Variants in ANAPC4 observed in about 807,000 individuals in gnomAD.
ANAPC4 encodes the protein anaphase promoting complex subunit 4.
ANAPC4 carries 63 observed loss-of-function variants against 119.8 expected under a neutral mutation model. The ratio of observed to expected loss-of-function variants is 0.53; its 90% CI spans 0.43 to 0.65. ANAPC4 has a LOEUF of 0.65. ANAPC4 is among the 30% of genes least tolerant of loss of function. The pLI, the probability that ANAPC4 is intolerant of heterozygous loss-of-function variation, is 0.00. For synonymous variants in ANAPC4, 283 were observed against 318.6 expected, an observed-to-expected ratio of 0.89 and a Z score of 1.19; for missense variants, 716 against 945.1, an observed-to-expected ratio of 0.76 and a Z score of 3.18.
intron 16 of ANAPC4, 144 bp downstream of exon 16, chr4:25,397,043 C>T (rs547003441): frequency 2.6e-6 from 2 of 774,228 alleles, no homozygotes; most frequent in South Asian, 4.3e-5. Flanking sequence ...TTCCGAAAAG[C>T]CAGCAGCACA....
chr4:25,380,018 G>A (rs1721622954), intron 2 of ANAPC4, among the ~76,000 whole-genome samples: 4 of 152,150 alleles, frequency 2.6e-5, no homozygotes, highest in Admixed American at 2.6e-4. Flanking sequence ...GGTGCCACGT[G>A]GACTAATTCC....
chr4:25,406,916 T>A (rs1723282206), intron 19 of ANAPC4, 31 bp downstream of exon 19: 5 of 1,475,418 alleles, frequency 3.4e-6, no homozygotes, highest in African/African-American at 2.8e-5. Context: ...TAATGCAGTT[T>A]AAAAAAAAAT....
At chr4:25,393,670 A>G (rs1273737318) in intron 10 of ANAPC4, 135 bp from the exon 11 acceptor site, 3 of 533,056 alleles carry the variant, frequency 5.6e-6, no homozygotes, top group African/African-American at 2.0e-5. Context: ...TCGATAAATA[A>G]ATAATAAAAA....
chr4:25,381,034 A>C (rs895116297), intron 3 of ANAPC4, among the ~76,000 whole-genome samples: 2 of 152,110 alleles, frequency 1.3e-5, no homozygotes, highest in Non-Finnish European at 2.9e-5. Flanking sequence ...CTCCTTTTCC[A>C]TGTAATGTTT....
intron 2 of ANAPC4, among the ~76,000 whole-genome samples, chr4:25,379,770 A>G (rs866423649): frequency 3.3e-5 from 5 of 152,158 alleles, no homozygotes; most frequent in Non-Finnish European, 7.3e-5. Flanking sequence ...AGGCAGGGTC[A>G]TGGTGGCTTA....
At chr4:25,398,877 AG>A (rs1722797864) in intron 16 of ANAPC4, among the ~76,000 whole-genome samples, 1 of 151,824 alleles carries the variant, frequency 6.6e-6, no homozygotes, top group Non-Finnish European at 1.5e-5. Context: ...TACTTGAAAG[AG>A]TAGAATTGAT....
intron 21 of ANAPC4, among the ~76,000 whole-genome samples, chr4:25,411,370 T>G (rs1207167746): frequency 6.6e-6 from 1 of 151,792 alleles, no homozygotes; most frequent in African/African-American, 2.4e-5. Context: ...GCCCCACATC[T>G]TACGTGTTTG....
At chr4:25,385,470 T>G (rs986648659) in intron 4 of ANAPC4, among the ~76,000 whole-genome samples, 55 of 152,318 alleles carry the variant, frequency 3.6e-4, no homozygotes, top group African/African-American at 1.3e-3. Context: ...TTCATAGAAT[T>G]GAAGAGAGTT....
chr4:25,403,569 C>T (rs1577391473), intron 17 of ANAPC4, among the ~76,000 whole-genome samples: 1 of 152,112 alleles, frequency 6.6e-6, no homozygotes, highest in African/African-American at 2.4e-5. Context: ...AGTCTCTGTC[C>T]TTGGGTAGCT....
In ANAPC4 at chr4:25,394,349, C is replaced by G; in HGVS notation, c.916C>G (p.His306Asp). 1 of 1,580,784 alleles carries G rather than the reference C, an allele frequency of 6.3e-7. No homozygotes were observed. The highest frequency in any genetic ancestry group is 8.5e-7 in the Non-Finnish European group (1 of 1,171,864). The change falls in exon 12 of 29, where the codon CAC becomes GAC. Residue 306 changes from histidine (H) to aspartate (D), a missense_variant. By Grantham distance (81) the His-to-Asp change is moderately conservative (BLOSUM62 -1). This residue lies in a region of ANAPC4 where 504 missense variants were observed against 615.8 expected (regional missense o/e 0.82). Coordinates refer to ENST00000315368, the MANE Select transcript of ANAPC4 (RefSeq NM_013367.3). ...TTTSVQDEFM[H>D]LLLWGKASAE... Reference sequence around the variant, plus strand: ...CACATCAGTGCAAGATGAGTTCATGCACTTGCTATTATGGGGGAAAGCAAG... The same window carrying G: ...CACATCAGTGCAAGATGAGTTCATGGACTTGCTATTATGGGGGAAAGCAAG...
intron 24 of ANAPC4, 31 bp downstream of exon 24, chr4:25,414,535 G>A: frequency 6.3e-7 from 1 of 1,582,684 alleles, no homozygotes; most frequent in Non-Finnish European, 8.6e-7. Flanking sequence ...TATCTTGAGT[G>A]AACAATACAA....
rs560988169 is a variant in ANAPC4 at position 25,395,132 on chromosome 4, A to G, written c.1061+227A>G. On this transcript the variant is annotated intron_variant, in intron 14 of 28. Transcript: ENST00000315368. ...ACATCTTTTCACCAGGCTAGACTCTATCTGGGTTTTTTTCTTAATCAGCTA... is the reference window on the plus strand; with the variant it reads ...ACATCTTTTCACCAGGCTAGACTCTGTCTGGGTTTTTTTCTTAATCAGCTA... 1.8e-3 allele frequency: 750 copies of G among 413,680 alleles called. 3 individuals carry two copies. Among genetic ancestry groups the G allele is most frequent in the Non-Finnish European group, 2.2e-3 (514 of 235,350 alleles). The allele number at this position is 413,680 out of a possible 1,614,324, so 25.6% of individuals were successfully genotyped here.
chr4:25,397,148 T>C (rs1054777114), intron 16 of ANAPC4, among the ~76,000 whole-genome samples: 9 of 152,226 alleles, frequency 5.9e-5, no homozygotes, highest in African/African-American at 2.2e-4. Flanking sequence ...TTTAACTACT[T>C]CTATTTTTAG....
intron 12 of ANAPC4, 81 bp downstream of exon 12, chr4:25,394,455 T>C: frequency 2.4e-6 from 3 of 1,273,726 alleles, no homozygotes; most frequent in Non-Finnish European, 2.2e-6. Flanking sequence ...TTTATAGTCA[T>C]AGTATGTGAT....
At chr4:25,399,763 G>C (rs992159594) in intron 16 of ANAPC4, among the ~76,000 whole-genome samples, 2 of 152,150 alleles carry the variant, frequency 1.3e-5, no homozygotes, top group Non-Finnish European at 2.9e-5. Flanking sequence ...GTGCATTTGG[G>C]AGCCATCAGC....
At chr4:25,398,939 G>A (rs1439842715) in intron 16 of ANAPC4, among the ~76,000 whole-genome samples, 2 of 151,018 alleles carry the variant, frequency 1.3e-5, no homozygotes, top group East Asian at 1.9e-4. Context: ...GAGGGGGAGT[G>A]TAGAGTAAGA....
At chr4:25,416,165 G>T in intron 26 of ANAPC4, 1 of 278,454 alleles carries the variant, frequency 3.6e-6, no homozygotes, top group Admixed American at 4.8e-5. Context: ...TGATGGCCAG[G>T]GGCTTTCTAG....
At chr4:25,411,040 T>C (rs901788735) in intron 21 of ANAPC4, among the ~76,000 whole-genome samples, 1 of 152,216 alleles carries the variant, frequency 6.6e-6, no homozygotes, top group Non-Finnish European at 1.5e-5. Flanking sequence ...AGGGAGAGAA[T>C]TCTTTGATGC....
intron 18 of ANAPC4, among the ~76,000 whole-genome samples, chr4:25,406,349 T>G (rs1723247573): frequency 6.6e-6 from 1 of 152,186 alleles, no homozygotes; most frequent in Non-Finnish European, 1.5e-5. Flanking sequence ...ATATGTCAGT[T>G]GTTGGAAGGG....
Sources: allele counts gnomAD v4.1 joint callset (sites outside exome capture counted in the v4.1 genomes callset), GRCh38; gene constraint gnomAD v4.1.1; regional missense constraint gnomAD v4.1.1; transcripts MANE v1.5; gene names NCBI Gene and HGNC (gene_info 2026-07-23, HGNC 2026-07-21).